GRIA1: variants seen among roughly 807,000 people sequenced by gnomAD.
GRIA1 encodes glutamate receptor 1.
A neutral mutation model predicts 99.2 loss-of-function variants in GRIA1; 31 were observed. That is an observed-to-expected ratio of 0.31 (90% CI 0.23 to 0.42). The LOEUF is 0.42. Ranked by LOEUF, GRIA1 falls within the 10% of genes least tolerant of loss-of-function variation. The pLI is 1.00. For missense variants in GRIA1, 782 were observed against 1,157.5 expected (o/e 0.68, Z 4.71); for synonymous variants, 438 against 432.4 (o/e 1.01, Z -0.16).
rs113894201 is a variant in GRIA1 at position 153,660,344 on chromosome 5, C to T, written c.699+4472C>T. Among the ~76,000 whole-genome samples the T allele has an allele frequency of 8.9e-3, 1,352 of 152,292 alleles. 24 individuals are homozygous for T. Among genetic ancestry groups the T allele is most frequent in the African/African-American group, 0.031 (1,294 of 41,554 alleles). On this transcript the variant is annotated intron_variant, in intron 5 of 15. Coordinates refer to ENST00000285900, the MANE Select transcript of GRIA1 (RefSeq NM_000827.4). ...ACACTTAAATGCATGTCAATTAAAC[C>T]TTCCCAATAGCCCTTGAGGTTGATA... is the stretch of plus-strand genomic sequence containing the variant.
chr5:153,800,309 C>A (rs2963997), intron 14 of GRIA1, among the ~76,000 whole-genome samples: 3 of 151,970 alleles, frequency 2.0e-5, no homozygotes, highest in Non-Finnish European at 2.9e-5. Context: ...TCTGTGAACT[C>A]TAAGTCCCCC....
chr5:153,517,231 C>G (rs1380157615), intron 2 of GRIA1, among the ~76,000 whole-genome samples: 1 of 152,200 alleles, frequency 6.6e-6, no homozygotes, highest in Non-Finnish European at 1.5e-5. Flanking sequence ...TCTGAATATT[C>G]AATTGAACTT....
intron 2 of GRIA1, among the ~76,000 whole-genome samples, chr5:153,601,928 AACAATAGG>A (rs1765002723): frequency 6.6e-6 from 1 of 152,198 alleles, no homozygotes; most frequent in African/African-American, 2.4e-5. Flanking sequence ...GAGAAGGAGG[AACAATAGG>A]ACAAAGTTGT....
chr5:153,764,824 T>C (rs987204440), intron 12 of GRIA1, among the ~76,000 whole-genome samples, 192 bp downstream of exon 12: 3 of 152,228 alleles, frequency 2.0e-5, no homozygotes, highest in African/African-American at 7.2e-5. Context: ...TCTACATTTG[T>C]AGAAGCTTCA....
intron 2 of GRIA1, among the ~76,000 whole-genome samples, chr5:153,578,148 C>CAAAAAAAAAAAAAAAAA (rs60901793): frequency 5.8e-5 from 4 of 69,312 alleles, no homozygotes; most frequent in Non-Finnish European, 7.4e-5. Flanking sequence ...GAGACTCTGT[C>CAAAAAAAAAAAAAAAAA]AAAAAAAAAA....
chr5:153,675,221 C>A (rs950380096), intron 6 of GRIA1, among the ~76,000 whole-genome samples: 1 of 152,180 alleles, frequency 6.6e-6, no homozygotes, highest in African/African-American at 2.4e-5. Flanking sequence ...CACCATGTTG[C>A]CCAGCTCAGG....
chr5:153,661,582 G>A (rs960292584), intron 5 of GRIA1, among the ~76,000 whole-genome samples: 3 of 152,098 alleles, frequency 2.0e-5, no homozygotes, highest in Non-Finnish European at 4.4e-5. Flanking sequence ...CTAGAGGAAG[G>A]ATTGTGTGTG....
At chr5:153,624,386 G>A (rs1018968536) in intron 2 of GRIA1, among the ~76,000 whole-genome samples, 2 of 152,100 alleles carry the variant, frequency 1.3e-5, no homozygotes, top group African/African-American at 2.4e-5. Flanking sequence ...AGCAGTCACC[G>A]CCCAAGGGCT....
intron 10 of GRIA1, among the ~76,000 whole-genome samples, chr5:153,700,061 G>A (rs759803645): frequency 6.6e-6 from 1 of 152,188 alleles, no homozygotes; most frequent in Non-Finnish European, 1.5e-5. Context: ...CCTCAGTGGG[G>A]ATGTGAAACT....
intron 2 of GRIA1, among the ~76,000 whole-genome samples, chr5:153,631,288 A>C (rs553280182): frequency 6.8e-4 from 104 of 152,290 alleles, no homozygotes; most frequent in African/African-American, 2.5e-3. Flanking sequence ...ACTCCCACTC[A>C]TGCCCCTGGT....
In GRIA1 at chr5:153,645,150, A is replaced by G. The variant is rs74355631; in HGVS notation, c.221-1778A>G. 2.4e-4 allele frequency among the ~76,000 whole-genome samples: 37 copies of G among 152,282 alleles called. 1 individual carries two copies. In the East Asian group the frequency reaches 6.8e-3, roughly 28 times the overall value. On this transcript the variant is annotated intron_variant, in intron 2 of 15. Transcript: ENST00000285900. Reference sequence around the variant, plus strand: ...TGTCCTAAAGCTCAAGGCCATGAACACCACCTTCAGATACCAGGAGGGCTA... The same window carrying G: ...TGTCCTAAAGCTCAAGGCCATGAACGCCACCTTCAGATACCAGGAGGGCTA...
chr5:153,736,328 A>G (rs1446336537), intron 11 of GRIA1, among the ~76,000 whole-genome samples: 1 of 152,228 alleles, frequency 6.6e-6, no homozygotes, highest in East Asian at 1.9e-4. Context: ...ATCAAAATGC[A>G]TATGTATATG....
At chr5:153,512,745 T>C (rs1164080647) in intron 2 of GRIA1, among the ~76,000 whole-genome samples, 8 of 152,190 alleles carry the variant, frequency 5.3e-5, no homozygotes. Context: ...CCAGCATCCG[T>C]TGAATAGCAA....
chr5:153,601,338 C>T (rs571996301), intron 2 of GRIA1, among the ~76,000 whole-genome samples: 1 of 152,324 alleles, frequency 6.6e-6, no homozygotes, highest in South Asian at 2.1e-4. Flanking sequence ...TACTTTTTAA[C>T]TTCTTATTTC....
intron 2 of GRIA1, among the ~76,000 whole-genome samples, chr5:153,640,188 C>T (rs1009238214): frequency 3.3e-5 from 5 of 152,182 alleles, no homozygotes; most frequent in African/African-American, 1.2e-4. Flanking sequence ...TATGCAGTAC[C>T]ACATCTCATT....
intron 10 of GRIA1, 35 bp from the exon 11 acceptor site, chr5:153,705,662 A>ATT (rs70978505): frequency 0.045 from 33,732 of 750,188 alleles, 4,227 homozygotes; most frequent in African/African-American, 0.1. Flanking sequence ...GCTCACCTGC[A>ATT]TTTTTTTTTT....
chr5:153,634,130 C>T (rs911225575), intron 2 of GRIA1, among the ~76,000 whole-genome samples: 1 of 151,912 alleles, frequency 6.6e-6, no homozygotes, highest in Non-Finnish European at 1.5e-5. Context: ...TCCTGGCTAA[C>T]ACGGTGAAAC....
At chr5:153,675,174 G>A (rs759904332) in intron 6 of GRIA1, among the ~76,000 whole-genome samples, 4 of 152,192 alleles carry the variant, frequency 2.6e-5, no homozygotes, top group Non-Finnish European at 4.4e-5. Flanking sequence ...TGGCTGCAAG[G>A]GAAGCTGGAA....
In GRIA1 at chr5:153,506,554, C is replaced by A. The variant is rs185531255; in HGVS notation, c.220+12489C>A. On this transcript the variant is annotated intron_variant, in intron 2 of 15. Coordinates refer to ENST00000285900, the MANE Select transcript of GRIA1 (RefSeq NM_000827.4). ...TTGAGGTGGTTAATTAGAAAGGAGT[C>A]TCCCTTGAGCAAGCAGGATAAGCTC... Among the ~76,000 whole-genome samples the A allele has an allele frequency of 2.6e-5, 4 of 152,226 alleles. No individual in the cohort carries two copies. The East Asian group carries it at 7.7e-4, about 29-fold the overall frequency.
Sources: gnomAD v4.1 joint callset for allele counts (sites outside exome capture counted in the v4.1 genomes callset) on GRCh38, gnomAD v4.1.1 for gene constraint, MANE v1.5 for transcripts, NCBI Gene and HGNC (gene_info 2026-07-23, HGNC 2026-07-21) for gene names.